Variants in CPNE9 observed in about 807,000 individuals in gnomAD.
CPNE9 encodes the protein copine-9.
Under a neutral mutation model 83.0 loss-of-function variants are expected in CPNE9, and 59 were observed. The ratio of observed to expected loss-of-function variants is 0.71; its 90% CI spans 0.58 to 0.88. The LOEUF is 0.88. CPNE9 is among the 40% of genes least tolerant of loss of function. The pLI, the probability that CPNE9 is intolerant of heterozygous loss-of-function variation, is 0.00. For missense variants in CPNE9, 619 were observed against 720.8 expected, an observed-to-expected ratio of 0.86 and a Z score of 1.62; for synonymous variants, 256 against 273.4, an observed-to-expected ratio of 0.94 and a Z score of 0.63.
chr3:9,705,360 G>T lies in CPNE9; in HGVS notation c.261-104G>T, dbSNP rs2076551646. On this transcript the variant is annotated intron_variant, in intron 4 of 20. Coordinates refer to ENST00000383832, the MANE Select transcript of CPNE9 (RefSeq NM_153635.3). ...CAAAGCTGAATTCGGGTCCACGGCC[G>T]CCCATCCCTCCACCCAAAATTTTCA... 1.0e-5 allele frequency: 9 copies of T among 863,376 alleles called. No homozygotes were observed. In the Admixed American group the frequency reaches 2.0e-4, roughly 20 times the overall value. 53.5% of individuals were successfully genotyped at this position (863,376 alleles called of 1,614,324 possible).
chr3:9,705,417 T>TCAACCC, intron 4 of CPNE9, 47 bp from the exon 5 acceptor site: 1 of 570,216 alleles, frequency 1.8e-6, no homozygotes, highest in Non-Finnish European at 3.3e-6. Context: ...CTTTCCACCC[T>TCAACCC]CTCCCCCACC....
rs553219608 is a variant in CPNE9, at chr3:9,716,462, T to C, written c.884+427T>C. On this transcript the variant is annotated intron_variant, in intron 14 of 20. Transcript: ENST00000383832. ...TTCTCTGAACTTCACTTTTCTCCTATGTAAAATGAGGATTTTTTTTTTTTT... is the reference window on the plus strand; with the variant it reads ...TTCTCTGAACTTCACTTTTCTCCTACGTAAAATGAGGATTTTTTTTTTTTT... 4.1e-5 allele frequency among the ~76,000 whole-genome samples: 6 copies of C among 147,480 alleles called. No homozygotes were observed. In the East Asian group the frequency reaches 9.7e-4, roughly 24 times the overall value.
intron 17 of CPNE9, among the ~76,000 whole-genome samples, chr3:9,719,695 T>C (rs1259381849): frequency 6.6e-6 from 1 of 152,024 alleles, no homozygotes; most frequent in African/African-American, 2.4e-5. Flanking sequence ...ATTTTCAGAA[T>C]AAAACTATAC....
intron 14 of CPNE9, 125 bp from the exon 15 acceptor site, chr3:9,716,933 C>T: frequency 1.0e-6 from 1 of 982,494 alleles, no homozygotes. Flanking sequence ...CTACCCAGAC[C>T]ATCTGGATCA....
intron 7 of CPNE9, among the ~76,000 whole-genome samples, chr3:9,707,123 G>A (rs1181327826): frequency 4.6e-5 from 7 of 152,128 alleles, no homozygotes; most frequent in African/African-American, 1.7e-4. Flanking sequence ...GGAGGCTGAG[G>A]CAGGCGGATC....
At chr3:9,722,674 C>T (rs940941545) in intron 17 of CPNE9, among the ~76,000 whole-genome samples, 1 of 152,066 alleles carries the variant, frequency 6.6e-6, no homozygotes, top group African/African-American at 2.4e-5. Context: ...GTCACCACGC[C>T]AGGCTAATTT....
chr3:9,728,477 G>A (rs1285165191), intron 20 of CPNE9, among the ~76,000 whole-genome samples: 1 of 152,082 alleles, frequency 6.6e-6, no homozygotes, highest in East Asian at 1.9e-4. Flanking sequence ...TATAAAATTA[G>A]CCGGGTGTGG....
intron 13 of CPNE9, 99 bp from the exon 14 acceptor site, chr3:9,715,875 C>A: frequency 1.0e-6 from 1 of 984,554 alleles, no homozygotes; most frequent in Non-Finnish European, 1.6e-6. Context: ...CATGTGCCTC[C>A]CATCACGTGC....
In CPNE9 at chr3:9,717,102, A is replaced by G. The variant is rs1456580107; in HGVS notation, c.929A>G (p.Asn310Ser). ...GTAGCCATTGACTTCACGGCTTCCAATGGTGAGACACGGATGAGTGAAAAA... is the reference window on the plus strand; with the variant it reads ...GTAGCCATTGACTTCACGGCTTCCAGTGGTGAGACACGGATGAGTGAAAAA... The part of the protein sequence containing the change: ...FTVAIDFTAS[N>S]GNPLQPTSLH... Residue 310 changes from asparagine (N) to serine (S), a missense_variant and splice_region_variant, in exon 15 of 21, where the codon AAT becomes AGT. Asn to Ser is a conservative substitution (Grantham distance 46). Coordinates refer to ENST00000383832, the MANE Select transcript of CPNE9 (RefSeq NM_153635.3). The G allele has an allele frequency of 1.2e-6, 2 of 1,614,050 alleles. No individual in the cohort carries two copies. The highest frequency in any genetic ancestry group is 1.7e-6 in the Non-Finnish European group (2 of 1,180,002).
At chr3:9,720,423 C>T (rs1375077410) in intron 17 of CPNE9, among the ~76,000 whole-genome samples, 1 of 149,284 alleles carries the variant, frequency 6.7e-6, no homozygotes, top group African/African-American at 2.5e-5. Flanking sequence ...AGGTTTGTTA[C>T]ATAACAAACT....
At chr3:9,725,674 GTGTATATA>G (rs1281167286) in intron 17 of CPNE9, among the ~76,000 whole-genome samples, 1 of 29,184 alleles carries the variant, frequency 3.4e-5, no homozygotes, top group East Asian at 3.4e-4. Flanking sequence ...GTATATATAT[GTGTATATA>G]TATATACATA....
chr3:9,704,166 C>T lies in CPNE9; in HGVS notation c.68+102C>T. ...CAGGGGCTAGACCCCCGGGGAGAGG[C>T]GAAATTGGCTGGAAAATCACAGCTG... is the stretch of plus-strand genomic sequence containing the variant. On this transcript the variant is annotated intron_variant, in intron 1 of 20. Coordinates refer to ENST00000383832, the MANE Select transcript of CPNE9 (RefSeq NM_153635.3). The surrounding 1 kb of genome is among the most constrained non-coding windows in gnomAD (Gnocchi z 7.1). 3 of 1,108,602 alleles carry T rather than the reference C, an allele frequency of 2.7e-6. No individual in the cohort carries two copies. The highest frequency in any genetic ancestry group is 3.9e-6 in the Non-Finnish European group (3 of 775,516). The allele number at this position is 1,108,602 out of a possible 1,614,324, so 68.7% of individuals were successfully genotyped here.
chr3:9,710,467 T>C (rs575775232), intron 7 of CPNE9, among the ~76,000 whole-genome samples: 3 of 152,030 alleles, frequency 2.0e-5, no homozygotes, highest in Non-Finnish European at 4.4e-5. Flanking sequence ...AGAATGAGGA[T>C]GGGGGAGGAG....
intron 11 of CPNE9, 142 bp downstream of exon 11, chr3:9,715,097 G>C: frequency 1.1e-6 from 1 of 917,530 alleles, no homozygotes; most frequent in Non-Finnish European, 1.7e-6. Flanking sequence ...GGGTACAACT[G>C]ATCCCCCCAA....
At chr3:9,729,439 T>C in intron 20 of CPNE9, 68 bp from the exon 21 acceptor site, 2 of 1,504,386 alleles carry the variant, frequency 1.3e-6, no homozygotes, top group South Asian at 2.6e-5. Flanking sequence ...AAAAGAAGCC[T>C]CCCTGCTGCA....
chr3:9,727,510 G>A, intron 20 of CPNE9: 1 of 684,290 alleles, frequency 1.5e-6, no homozygotes, highest in Non-Finnish European at 2.7e-6. Context: ...GTGAGAGCCT[G>A]TAACAGGGAC....
intron 7 of CPNE9, among the ~76,000 whole-genome samples, chr3:9,712,331 G>A (rs964422022): frequency 1.3e-5 from 2 of 152,148 alleles, no homozygotes; most frequent in Non-Finnish European, 2.9e-5. Context: ...GTTGTGAGAT[G>A]TTCACCTAAG....
At position 9,712,744 on chromosome 3, in the gene CPNE9, T is replaced by A; in HGVS notation, c.461T>A (p.Leu154Gln). 6.2e-7 allele frequency: 1 copy of A among 1,614,180 alleles called. No homozygotes were observed. The highest frequency in any genetic ancestry group is 8.5e-7 in the Non-Finnish European group (1 of 1,180,016). Reference protein sequence around the residue: ...SNCRDIATMQLCANKLDKKDF... With the variant: ...SNCRDIATMQQCANKLDKKDF... ...CCCTAGGACATTGCCACCATGCAGC[T>A]GTGTGCAAACAAGCTGGACAAGAAG... is the stretch of plus-strand genomic sequence containing the variant. Residue 154 changes from leucine (L) to glutamine (Q), a missense_variant, in exon 9 of 21, where the codon CTG becomes CAG. Coordinates refer to ENST00000383832, the MANE Select transcript of CPNE9 (RefSeq NM_153635.3).
Position 9,705,995 on chromosome 3 carries a change from G to C in CPNE9, c.309G>C (p.Leu103=), listed in dbSNP as rs375060861. Residue 103 remains leucine (L), a synonymous_variant, in exon 7 of 21, where the codon CTG becomes CTC. Coordinates refer to ENST00000383832, the MANE Select transcript of CPNE9 (RefSeq NM_153635.3). ...CTCCTTGTCCTGCATAGGATTTCCT[G>C]GGACAAGCGTTCCTGGCCCTGGGAG... ...KTNISKPKDF[L]GQAFLALGEV... 1.2e-6 allele frequency: 2 copies of C among 1,613,354 alleles called. No homozygotes were observed. The highest frequency in any genetic ancestry group is 1.7e-6 in the Non-Finnish European group (2 of 1,180,018).
Sources: allele counts gnomAD v4.1 joint callset (sites outside exome capture counted in the v4.1 genomes callset), GRCh38; gene constraint gnomAD v4.1.1; non-coding constraint Gnocchi (gnomAD v3.1); transcripts MANE v1.5; gene names NCBI Gene and HGNC (gene_info 2026-07-23, HGNC 2026-07-21).